Variants in ANKRD28 observed in about 807,000 individuals in gnomAD.
ANKRD28 encodes the protein ankyrin repeat domain 28.
In ANKRD28, 44 loss-of-function variants were observed where a neutral mutation model predicts 126.5. That is an observed-to-expected ratio of 0.35 (90% CI 0.27 to 0.45). The LOEUF (loss-of-function observed/expected upper bound fraction) is 0.45. Among genes scored for constraint, ANKRD28 ranks in the 20% least tolerant of loss-of-function variants. The pLI, the probability that ANKRD28 is intolerant of heterozygous loss-of-function variation, is 1.00. For synonymous variants in ANKRD28, 442 were observed against 468.5 expected, an observed-to-expected ratio of 0.94 and a Z score of 0.73; for missense variants, 1,110 against 1,316.6, an observed-to-expected ratio of 0.84 and a Z score of 2.43.
intron 7 of ANKRD28, among the ~76,000 whole-genome samples, chr3:15,723,671 T>A (rs904508817): frequency 6.6e-6 from 1 of 152,140 alleles, no homozygotes; most frequent in Non-Finnish European, 1.5e-5. Context: ...TTCAGGAGGC[T>A]TAGGTGGCAG....
In ANKRD28 at chr3:15,667,764, G is replaced by A. The variant is rs1303398157; in HGVS notation, c.*2506C>T. On this transcript the variant is annotated 3_prime_UTR_variant, in exon 28 of 28. Transcript: ENST00000683139. ...AAGTAATGAAATAGTTTTCTTAGTGGGGTGGCATTCGCAAGAACTACCTTA... is the reference window on the plus strand; with the variant it reads ...AAGTAATGAAATAGTTTTCTTAGTGAGGTGGCATTCGCAAGAACTACCTTA... 2 of 152,172 alleles carry A rather than the reference G, an allele frequency of 1.3e-5. No homozygotes were observed. Among genetic ancestry groups the A allele is most frequent in the African/African-American group, 2.4e-5 (1 of 41,432 alleles). The allele number at this position is 152,172 out of a possible 1,614,324, so 9.4% of individuals were successfully genotyped here.
intron 18 of ANKRD28, among the ~76,000 whole-genome samples, chr3:15,688,415 A>C (rs1389088045): frequency 6.6e-6 from 1 of 152,214 alleles, no homozygotes; most frequent in Admixed American, 6.5e-5. Context: ...TGCGCCACCA[A>C]GTTTGGCTTT....
chr3:15,770,940 A>G (rs1222831046), intron 2 of ANKRD28, among the ~76,000 whole-genome samples: 1 of 152,348 alleles, frequency 6.6e-6, no homozygotes, highest in East Asian at 1.9e-4. Flanking sequence ...GCCATTGCAT[A>G]AAGCACTTAA....
Position 15,833,062 on chromosome 3 carries a change from A to G in ANKRD28, c.27+26315T>C, listed in dbSNP as rs894081617. ...TCCCACCAATAGTGTATAGTGTATA[A>G]GCATTCCCTTTTCTTCACACCTGTG... On this transcript the variant is annotated intron_variant, in intron 1 of 27. Transcript: ENST00000399451. This position sits in a 1 kb window ranked among gnomAD's most constrained non-coding sequence, Gnocchi z 4.4. 1.3e-5 allele frequency among the ~76,000 whole-genome samples: 2 copies of G among 152,230 alleles called. No homozygotes were observed. The highest frequency in any genetic ancestry group is 2.9e-5 in the Non-Finnish European group (2 of 68,042).
intron 2 of ANKRD28, among the ~76,000 whole-genome samples, chr3:15,766,937 C>G (rs2058766495): frequency 1.3e-5 from 2 of 152,098 alleles, no homozygotes; most frequent in African/African-American, 4.8e-5. Context: ...TTAACCTAAA[C>G]AAACCAAAAG....
chr3:15,721,811 C>T (rs925026632), intron 7 of ANKRD28, among the ~76,000 whole-genome samples: 4 of 152,148 alleles, frequency 2.6e-5, no homozygotes, highest in Admixed American at 6.5e-5. Context: ...GTGGCACGAT[C>T]TCAGCTCACC....
chr3:15,738,971 G>A (rs769316431), intron 4 of ANKRD28, among the ~76,000 whole-genome samples: 3 of 152,144 alleles, frequency 2.0e-5, no homozygotes, highest in Admixed American at 1.3e-4. Context: ...AGAATTCAGC[G>A]ATATTTCTCC....
Position 15,675,928 on chromosome 3 carries a change from CT to C in ANKRD28, c.2934del (p.Gly979GlufsTer7). On this transcript the variant is annotated frameshift_variant, in exon 27 of 28. Transcript: ENST00000683139. LOFTEE classifies it high-confidence loss of function. The stretch of plus-strand genomic sequence containing the variant: ...TCATCTACTGCAAGCACACTTGCTC[CT>C]TTTCCCAAAAGTTCCTGAACCACCA... Reference protein sequence around the residue: ...LTMVVQELLGKGASVLAVDEN... With the variant: ...LTMVVQELLGXGASVLAVDEN... 1 of 1,613,064 alleles carries C rather than the reference CT, an allele frequency of 6.2e-7. No individual in the cohort carries two copies.
chr3:15,700,501 C>T (rs1370351724), intron 14 of ANKRD28, among the ~76,000 whole-genome samples: 2 of 151,696 alleles, frequency 1.3e-5, no homozygotes, highest in East Asian at 1.9e-4. Context: ...TAGGGCCGGG[C>T]GCGGTGGCTC....
In ANKRD28 at chr3:15,795,244, C is replaced by A; in HGVS notation, c.180G>T (p.Lys60Asn). ...DPDEVRALIF[K>N]KEDVNFQDNE... Reference sequence around the variant, plus strand: ...TTACCTGAAAGTTAACATCTTCTTTCTTAAATATTAGTGCTCGAACTTCAT... The same window carrying A: ...TTACCTGAAAGTTAACATCTTCTTTATTAAATATTAGTGCTCGAACTTCAT... Residue 60 changes from lysine (K) to asparagine (N), a missense_variant, in exon 2 of 28, where the codon AAG (lysine) becomes AAT (asparagine). By Grantham distance (94) the Lys-to-Asn change is moderately conservative. Transcript: ENST00000683139. The A allele has an allele frequency of 1.2e-6, 2 of 1,612,128 alleles. No individual in the cohort carries two copies. Among genetic ancestry groups the A allele is most frequent in the Non-Finnish European group, 1.7e-6 (2 of 1,178,414 alleles).
chr3:15,723,003 C>A (rs1575393135), intron 7 of ANKRD28, among the ~76,000 whole-genome samples: 1 of 152,182 alleles, frequency 6.6e-6, no homozygotes, highest in East Asian at 1.9e-4. Context: ...AGTCTGGCCA[C>A]TTATTTTGAT....
intron 2 of ANKRD28, among the ~76,000 whole-genome samples, chr3:15,793,806 C>T (rs1159352919): frequency 6.6e-6 from 1 of 152,222 alleles, no homozygotes; most frequent in Non-Finnish European, 1.5e-5. Flanking sequence ...TGCCTCACGC[C>T]TGTAATCCCA....
intron 21 of ANKRD28, among the ~76,000 whole-genome samples, chr3:15,683,528 T>C (rs1371144373): frequency 6.6e-6 from 1 of 152,148 alleles, no homozygotes; most frequent in African/African-American, 2.4e-5. Flanking sequence ...GGATTTAAGG[T>C]AGTAAAAAAC....
At chr3:15,822,897 A>G (rs2060975743) in intron 1 of ANKRD28, among the ~76,000 whole-genome samples, 1 of 152,218 alleles carries the variant, frequency 6.6e-6, no homozygotes, top group African/African-American at 2.4e-5. Flanking sequence ...GAAGACCCAC[A>G]TTACTAAAAT....
intron 2 of ANKRD28, among the ~76,000 whole-genome samples, chr3:15,786,255 T>C (rs922688499): frequency 3.3e-5 from 5 of 152,092 alleles, no homozygotes; most frequent in Non-Finnish European, 7.4e-5. Flanking sequence ...ATGTTGATAA[T>C]GGGAAGGCTA....
At chr3:15,724,815 C>T (rs1163794576) in intron 6 of ANKRD28, among the ~76,000 whole-genome samples, 3 of 151,742 alleles carry the variant, frequency 2.0e-5, no homozygotes, top group African/African-American at 4.8e-5. Flanking sequence ...CCTGTCTCCA[C>T]CAAAAATAAA....
At chr3:15,717,814 T>C (rs2073249795) in intron 8 of ANKRD28, among the ~76,000 whole-genome samples, 1 of 152,202 alleles carries the variant, frequency 6.6e-6, no homozygotes, top group Non-Finnish European at 1.5e-5. Context: ...ATAAACCTGA[T>C]TCATTTTACC....
chr3:15,724,247 A>G (rs2073998075), intron 7 of ANKRD28, 135 bp downstream of exon 7: 1 of 740,342 alleles, frequency 1.4e-6, no homozygotes, highest in Non-Finnish European at 2.1e-6. Context: ...TATTATGTAA[A>G]GGACTATAAA....
intron 2 of ANKRD28, among the ~76,000 whole-genome samples, chr3:15,779,666 T>A (rs2059452904): frequency 6.6e-6 from 1 of 152,188 alleles, no homozygotes; most frequent in South Asian, 2.1e-4. Context: ...ATCTTTAAGA[T>A]CCCTTTCCAG....
Sources: allele counts gnomAD v4.1 joint callset (sites outside exome capture counted in the v4.1 genomes callset), GRCh38; gene constraint gnomAD v4.1.1; non-coding constraint Gnocchi (gnomAD v3.1); transcripts MANE v1.5; gene names NCBI Gene and HGNC (gene_info 2026-07-23, HGNC 2026-07-21).